NUP42: variants seen among roughly 807,000 people sequenced by gnomAD.
NUP42 encodes the protein nucleoporin NUP42.
Under a neutral mutation model 35.9 loss-of-function variants are expected in NUP42, and 47 were observed. The observed-to-expected ratio is 1.31, with a 90% CI of 1.04 to 1.67. The LOEUF (loss-of-function observed/expected upper bound fraction) is 1.67, where lower values mean the gene tolerates loss of function less well. Ranked by LOEUF, NUP42 falls within the 40% of genes most tolerant of loss-of-function variation. The pLI is 0.00. For missense variants in NUP42, 514 were observed against 492.2 expected (o/e 1.04, Z -0.42); for synonymous variants, 173 against 173.3 (o/e 1.00, Z 0.01).
chr7:23,196,678 A>G lies in NUP42; in HGVS notation c.523-2A>G. ...TGTTATTTTTCTGTCTTCCGTTTTC[A>G]GCTAAATTCTGTCCAACGTTTAATA... On this transcript the variant is annotated splice_acceptor_variant, in intron 4 of 6. Coordinates refer to ENST00000258742, the MANE Select transcript of NUP42 (RefSeq NM_007342.3). LOFTEE classifies it high-confidence loss of function. 8 of 1,603,122 alleles carry G rather than the reference A, an allele frequency of 5.0e-6. No homozygotes were observed. Among genetic ancestry groups the G allele is most frequent in the Non-Finnish European group, 6.0e-6 (7 of 1,171,430 alleles).
chr7:23,199,471 A>G lies in NUP42; in HGVS notation c.623A>G (p.Lys208Arg). 1 of 1,614,070 alleles carries G rather than the reference A, an allele frequency of 6.2e-7. No individual in the cohort carries two copies. The highest frequency in any genetic ancestry group is 8.5e-7 in the Non-Finnish European group (1 of 1,179,954). ...STKVALLSDV[K>R]DGVNQAAPAF... ...TTTTTTTTTCAGCTCTCTGATGTAA[A>G]GGATGGAGTAAATCAAGCAGCACCT... is the stretch of plus-strand genomic sequence containing the variant. The change falls in exon 6 of 7, where the codon AAG (lysine) becomes AGG (arginine). Residue 208 changes from lysine to arginine, a missense_variant. Coordinates refer to ENST00000258742, the MANE Select transcript of NUP42 (RefSeq NM_007342.3).
intron 3 of NUP42, among the ~76,000 whole-genome samples, chr7:23,192,322 G>C (rs1583768945): frequency 6.6e-6 from 1 of 151,990 alleles, no homozygotes; most frequent in South Asian, 2.1e-4. Flanking sequence ...GAGGCGGGTG[G>C]ATCACAAGGT....
intron 3 of NUP42, chr7:23,195,456 T>TA (rs1785980072): frequency 6.3e-6 from 1 of 159,112 alleles, no homozygotes; most frequent in African/African-American, 2.4e-5. Flanking sequence ...GCATTAGTTC[T>TA]TCTCTTGTCA....
intron 5 of NUP42, 102 bp downstream of exon 5, chr7:23,196,868 C>G (rs1786030168): frequency 3.9e-6 from 3 of 772,400 alleles, no homozygotes; most frequent in Non-Finnish European, 6.5e-6. Context: ...AATTTTCTAT[C>G]AAGAATTATG....
chr7:23,185,159 G>T lies in NUP42; in HGVS notation c.211G>T (p.Gly71Cys), dbSNP rs1167581908. 2.5e-6 allele frequency: 4 copies of T among 1,614,124 alleles called. No individual in the cohort carries two copies. The highest frequency in any genetic ancestry group is 1.3e-5 in the African/African-American group (1 of 75,020). ...TTTCTCCAAATCCACACCATGGGGG[G>T]GCAGCAGAGATCAAGAAAAGCCATA... ...SSFSKSTPWG[G>C]SRDQEKPYFS... Residue 71 changes from glycine (G) to cysteine (C), a missense_variant, in exon 2 of 7, where the codon GGC (glycine) becomes TGC (cysteine). By Grantham distance (159) the Gly-to-Cys change is radical. Transcript: ENST00000258742.
chr7:23,186,726 A>C (rs1295416510), intron 2 of NUP42, among the ~76,000 whole-genome samples: 1 of 152,196 alleles, frequency 6.6e-6, no homozygotes, highest in Non-Finnish European at 1.5e-5. Context: ...TGTAATTACT[A>C]TCATAACCAA....
chr7:23,182,645 C>T (rs1785449810), intron 1 of NUP42, among the ~76,000 whole-genome samples: 1 of 151,286 alleles, frequency 6.6e-6, no homozygotes, highest in African/African-American at 2.4e-5. Flanking sequence ...CGCCTGTAAT[C>T]CCAGCACTTT....
Position 23,185,221 on chromosome 7 carries a change from G to A in NUP42, c.273G>A (p.Arg91=). 1 of 1,614,146 alleles carries A rather than the reference G, an allele frequency of 6.2e-7. No individual in the cohort carries two copies. The highest frequency in any genetic ancestry group is 8.5e-7 in the Non-Finnish European group (1 of 1,180,044). ...TTGATTCTGGAGCTTCAACTAACAG[G>A]AAGGAAGGCTTTGGATTGTCTGAGA... is the stretch of plus-strand genomic sequence containing the variant. The part of the protein sequence containing the change: ...SSFDSGASTN[R]KEGFGLSENP... Residue 91 remains arginine, a synonymous_variant, in exon 2 of 7, where the codon AGG becomes AGA. Coordinates refer to ENST00000258742, the MANE Select transcript of NUP42 (RefSeq NM_007342.3).
rs60397960 is a variant in NUP42 at position 23,182,742 on chromosome 7, CAAAAAAAAAAA to C, written c.121+549_121+559del. 1.6e-4 allele frequency among the ~76,000 whole-genome samples: 12 copies of C among 74,140 alleles called. No homozygotes were observed. In the East Asian group the frequency reaches 2.3e-3, roughly 14 times the overall value. 48.6% of individuals were successfully genotyped at this position (74,140 alleles called of 152,430 possible). On this transcript the variant is annotated intron_variant, in intron 1 of 6. Transcript: ENST00000258742. ...GAAACACCGTCTTTACTAAAAATAC[CAAAAAAAAAAA>C]AAAAAAAAAAAATAGCCGGGCGTGG...
At chr7:23,199,431 T>C (rs746108294) in intron 5 of NUP42, 27 bp from the exon 6 acceptor site, 9 of 1,583,946 alleles carry the variant, frequency 5.7e-6, no homozygotes, top group Non-Finnish European at 7.8e-6. Flanking sequence ...TCAAGCACTT[T>C]ATTATTTGCA....
Position 23,200,717 on chromosome 7 carries a change from C to T in NUP42, c.1244C>T (p.Pro415Leu), listed in dbSNP as rs1473497569. The change falls in exon 7 of 7, where the codon CCT becomes CTT. Residue 415 changes from proline (P) to leucine (L), a missense_variant. Transcript: ENST00000258742. ...KFTLGKIPLK[P>L]PPLELLNV ...ACTCTGGGAAAAATTCCATTAAAGC[C>T]TCCACCTCTGGAACTTCTAAATGTT... The T allele has an allele frequency of 1.9e-6, 3 of 1,599,554 alleles. No individual in the cohort carries two copies. The highest frequency in any genetic ancestry group is 2.7e-5 in the African/African-American group (2 of 74,372).
At chr7:23,190,107 A>G (rs1007747633) in intron 3 of NUP42, among the ~76,000 whole-genome samples, 2 of 152,246 alleles carry the variant, frequency 1.3e-5, no homozygotes, top group African/African-American at 4.8e-5. Flanking sequence ...GTTCATTAGT[A>G]TGGCTTGAGT....
intron 2 of NUP42, among the ~76,000 whole-genome samples, 153 bp downstream of exon 2, chr7:23,185,451 A>C (rs1339502079): frequency 6.6e-6 from 1 of 152,216 alleles, no homozygotes; most frequent in African/African-American, 2.4e-5. Context: ...CAGAGTAGCA[A>C]AAAGAAGAAA....
At chr7:23,193,661 G>C (rs188937645) in intron 3 of NUP42, among the ~76,000 whole-genome samples, 4 of 152,344 alleles carry the variant, frequency 2.6e-5, no homozygotes, top group Admixed American at 6.5e-5. Flanking sequence ...GAGCCCAGCT[G>C]GCCTCACCCA....
At chr7:23,195,789 C>T in intron 3 of NUP42, 50 bp from the exon 4 acceptor site, 1 of 1,222,660 alleles carries the variant, frequency 8.2e-7, no homozygotes, top group South Asian at 1.3e-5. Flanking sequence ...GCTTTACTAT[C>T]AAAATTATTG....
Position 23,182,189 on chromosome 7 carries a change from C to CGCG in NUP42, c.106_107insGGC (p.Pro35_Gln36insArg). On this transcript the variant is annotated inframe_insertion, in exon 1 of 7. Transcript: ENST00000258742. ...GGTGCAGGAGGAGGACGGCAGCAACCGCAGCAGCAGCCTTCAGGTGACTCT... is the reference window on the plus strand; with the variant it reads ...GGTGCAGGAGGAGGACGGCAGCAACCGCGGCAGCAGCAGCCTTCAGGTGACTCT... 6.2e-7 allele frequency: 1 copy of CGCG among 1,612,280 alleles called. No individual in the cohort carries two copies. The highest frequency in any genetic ancestry group is 8.5e-7 in the Non-Finnish European group (1 of 1,179,170).
In NUP42 at chr7:23,200,718, TC is replaced by T. The variant is rs1562613478; in HGVS notation, c.1247del (p.Pro416HisfsTer6). Reference protein sequence around the residue: ...FTLGKIPLKPPPLELLNV With the variant: ...FTLGKIPLKPXPLELLNV Reference sequence around the variant, plus strand: ...CTCTGGGAAAAATTCCATTAAAGCCTCCACCTCTGGAACTTCTAAATGTTTA... The same window carrying T: ...CTCTGGGAAAAATTCCATTAAAGCCTCACCTCTGGAACTTCTAAATGTTTA... On this transcript the variant is annotated frameshift_variant, in exon 7 of 7. Transcript: ENST00000258742. LOFTEE classifies it high-confidence loss of function. 6.3e-7 allele frequency: 1 copy of T among 1,598,988 alleles called. No individual in the cohort carries two copies. Among genetic ancestry groups the T allele is most frequent in the Non-Finnish European group, 8.5e-7 (1 of 1,174,408 alleles).
Position 23,188,008 on chromosome 7 carries a change from T to G in NUP42, c.445+862T>G, listed in dbSNP as rs751846371. On this transcript the variant is annotated intron_variant, in intron 3 of 6. Coordinates refer to ENST00000258742, the MANE Select transcript of NUP42 (RefSeq NM_007342.3). ...TCTCTCTCTCTTTTTTTATTTTTTA[T>G]TTTTATTTTTTTTTTTGTCCATAGT... 3.8e-6 allele frequency: 4 copies of G among 1,050,924 alleles called. No homozygotes were observed. The South Asian group carries it at 7.1e-5, about 19-fold the overall frequency. The allele number at this position is 1,050,924 out of a possible 1,614,324, so 65.1% of individuals were successfully genotyped here. A position where few individuals can be genotyped will look rare whatever the true frequency, so the allele number is the denominator to read the frequency against.
At chr7:23,185,359 T>G in intron 2 of NUP42, 61 bp downstream of exon 2, 1 of 1,120,364 alleles carries the variant, frequency 8.9e-7, no homozygotes, top group South Asian at 1.4e-5. Context: ...ACCTACAATC[T>G]TTGTTGTTTC....
Sources: allele counts gnomAD v4.1 joint callset (sites outside exome capture counted in the v4.1 genomes callset), GRCh38; gene constraint gnomAD v4.1.1; transcripts MANE v1.5; gene names NCBI Gene and HGNC (gene_info 2026-07-23, HGNC 2026-07-21).